Variants in PCTP observed in about 807,000 individuals in gnomAD.
PCTP encodes the protein phosphatidylcholine transfer protein.
A neutral mutation model predicts 31.0 loss-of-function variants in PCTP; 27 were observed. That is an observed-to-expected ratio of 0.87 (90% CI 0.64 to 1.20). PCTP has a LOEUF of 1.20. Among genes scored for constraint, PCTP ranks in the 50% most tolerant of loss-of-function variants. PCTP has a pLI of 0.00. For missense variants in PCTP, 287 were observed against 268.2 expected (o/e 1.07, Z -0.49); for synonymous variants, 108 against 101.2 (o/e 1.07, Z -0.40).
chr17:55,806,926 C>T (rs141732248), intron 3 of PCTP, among the ~76,000 whole-genome samples: 4 of 152,266 alleles, frequency 2.6e-5, no homozygotes, highest in Non-Finnish European at 2.9e-5. Flanking sequence ...TGCTAAGTTT[C>T]ACACAGGTCA....
intron 3 of PCTP, among the ~76,000 whole-genome samples, chr17:55,817,818 T>G (rs1912973733): frequency 6.6e-6 from 1 of 152,226 alleles, no homozygotes. Context: ...AGAGGGTATC[T>G]GTCTACAAGA....
In PCTP at chr17:55,771,094, G is replaced by A. The variant is rs765873762; in HGVS notation, c.260-12G>A. 6.3e-5 allele frequency: 102 copies of A among 1,607,524 alleles called. No individual in the cohort carries two copies. The highest frequency in any genetic ancestry group is 8.1e-5 in the Non-Finnish European group (95 of 1,174,284). The stretch of plus-strand genomic sequence containing the variant: ...GCTTCCAGATGCATTAACTTCTTTT[G>A]CTTTCCTTTAGAACTCTATGAACAA... On this transcript the variant is annotated splice_polypyrimidine_tract_variant and intron_variant, in intron 2 of 5. Coordinates refer to ENST00000268896, the MANE Select transcript of PCTP (RefSeq NM_021213.4).
the PCTP span, among the ~76,000 whole-genome samples, chr17:55,850,670 T>A: frequency 6.6e-6 from 1 of 152,208 alleles, no homozygotes; most frequent in Non-Finnish European, 1.5e-5. Context: ...ATACTTTCTA[T>A]GGCACGTAGG....
At chr17:55,818,830 T>C (rs1417631347) in intron 3 of PCTP, among the ~76,000 whole-genome samples, 1 of 150,976 alleles carries the variant, frequency 6.6e-6, no homozygotes, top group Non-Finnish European at 1.5e-5. Flanking sequence ...GTGAAGCAGA[T>C]CAAAGTGGGA....
intron 5 of PCTP, among the ~76,000 whole-genome samples, chr17:55,837,395 G>A (rs1905814133): frequency 6.6e-6 from 1 of 152,110 alleles, no homozygotes; most frequent in South Asian, 2.1e-4. Context: ...AATCATCACT[G>A]GGAAACTTCC....
At chr17:55,812,455 G>C (rs769741260) in intron 3 of PCTP, among the ~76,000 whole-genome samples, 5 of 152,192 alleles carry the variant, frequency 3.3e-5, no homozygotes, top group Non-Finnish European at 5.9e-5. Context: ...TGTTGCCAAG[G>C]CTTGCTACAA....
intron 3 of PCTP, among the ~76,000 whole-genome samples, chr17:55,811,423 G>A (rs1046954801): frequency 1.3e-5 from 2 of 152,076 alleles, no homozygotes; most frequent in African/African-American, 4.8e-5. Flanking sequence ...TTTTACATAT[G>A]AGGAAACTGA....
At chr17:55,801,247 T>G (rs766433863) in intron 3 of PCTP, among the ~76,000 whole-genome samples, 4 of 152,126 alleles carry the variant, frequency 2.6e-5, no homozygotes, top group Non-Finnish European at 5.9e-5. Flanking sequence ...AGACTTAGAC[T>G]CCCACACAAT....
rs1422411561 is a variant in PCTP at position 55,776,354 on chromosome 17, CCTT to C, written c.*260_*262del. The C allele has an allele frequency of 4.5e-6, 6 of 1,340,828 alleles. No individual in the cohort carries two copies. Among genetic ancestry groups the C allele is most frequent in the Non-Finnish European group, 2.9e-6 (3 of 1,050,430 alleles). The allele number at this position is 1,340,828 out of a possible 1,614,324, so 83.1% of individuals were successfully genotyped here. On this transcript the variant is annotated 3_prime_UTR_variant, in exon 6 of 6. Transcript: ENST00000268896. ...GCTCCCCCCATCCTGGGCTGGGCTG[CCTT>C]CTTCTACAGTTCAATATGGGGCAGA...
At chr17:55,758,246 T>C (rs1398611546) in intron 1 of PCTP, among the ~76,000 whole-genome samples, 2 of 152,168 alleles carry the variant, frequency 1.3e-5, no homozygotes, top group Middle Eastern at 3.2e-3. Context: ...AAATTGTGTT[T>C]TTGTCCTTGA....
intron 1 of PCTP, among the ~76,000 whole-genome samples, chr17:55,758,284 G>A (rs970864977): frequency 6.6e-6 from 1 of 152,198 alleles, no homozygotes; most frequent in African/African-American, 2.4e-5. Flanking sequence ...AGAGTTTGGT[G>A]AGGAGCAGAC....
At chr17:55,761,100 T>C (rs1013054354) in intron 1 of PCTP, among the ~76,000 whole-genome samples, 4 of 152,206 alleles carry the variant, frequency 2.6e-5, no homozygotes, top group Non-Finnish European at 4.4e-5. Context: ...TTTCTGTCTG[T>C]CCTGTTACTA....
chr17:55,803,751 A>C (rs1411050431), intron 3 of PCTP, among the ~76,000 whole-genome samples: 3 of 152,210 alleles, frequency 2.0e-5, no homozygotes, highest in African/African-American at 7.2e-5. Context: ...CAAAACCATA[A>C]AAACCCTGGA....
downstream of PCTP, among the ~76,000 whole-genome samples, chr17:55,846,530 G>C (rs140781837): frequency 1.6e-3 from 245 of 152,300 alleles, 1 homozygote; most frequent in Non-Finnish European, 3.0e-3. Flanking sequence ...AAGGGGAAAT[G>C]ATCTTCTAGC....
intron 3 of PCTP, among the ~76,000 whole-genome samples, chr17:55,821,772 G>A (rs1348856141): frequency 6.6e-6 from 1 of 152,158 alleles, no homozygotes; most frequent in East Asian, 1.9e-4. Flanking sequence ...CTCATTTTGA[G>A]TTTCAGGGTC....
At chr17:55,821,054 G>C (rs1166493594) in intron 3 of PCTP, among the ~76,000 whole-genome samples, 1 of 152,176 alleles carries the variant, frequency 6.6e-6, no homozygotes, top group East Asian at 1.9e-4. Flanking sequence ...TATAGATACA[G>C]AAGAAATAAA....
intron 2 of PCTP, among the ~76,000 whole-genome samples, chr17:55,783,700 G>C (rs540511031): frequency 6.6e-5 from 10 of 152,282 alleles, no homozygotes; most frequent in Admixed American, 3.9e-4. Context: ...CTATATTTTA[G>C]GCCTGGTATT....
At position 55,807,635 on chromosome 17, in the gene PCTP, A is replaced by G. The variant is rs181841278; in HGVS notation, c.318-15126A>G. 2.6e-3 allele frequency among the ~76,000 whole-genome samples: 396 copies of G among 152,314 alleles called. 2 individuals are homozygous for G. Among genetic ancestry groups the G allele is most frequent in the African/African-American group, 9.2e-3 (384 of 41,582 alleles). ...CCTTCTTGTTAAAGCTTTAATATGA[A>G]GTCAATAATTAATCAAGTAATCAAT... On this transcript the variant is annotated intron_variant, in intron 3 of 3. Transcript: ENST00000572536.
At chr17:55,818,953 T>C (rs1913018026) in intron 3 of PCTP, among the ~76,000 whole-genome samples, 1 of 137,048 alleles carries the variant, frequency 7.3e-6, no homozygotes, top group South Asian at 2.3e-4. Flanking sequence ...CATGGCAGCC[T>C]GTGGCTTCCT....
Sources: allele counts gnomAD v4.1 joint callset (sites outside exome capture counted in the v4.1 genomes callset), GRCh38; gene constraint gnomAD v4.1.1; transcripts MANE v1.5; gene names NCBI Gene and HGNC (gene_info 2026-07-23, HGNC 2026-07-21).